The following CAMTA1 variants were observed in gnomAD, a reference collection of about 807,000 sequenced individuals.
The protein encoded by CAMTA1 is calmodulin binding transcription activator 1, also known as calmodulin-binding transcription activator 1.
A neutral mutation model predicts 170.9 loss-of-function variants in CAMTA1; 27 were observed. That is an observed-to-expected ratio of 0.16 (90% confidence interval 0.12 to 0.22). The LOEUF (loss-of-function observed/expected upper bound fraction) is 0.22. Among genes scored for constraint, CAMTA1 ranks in the 10% least tolerant of loss-of-function variants. The pLI, the probability that CAMTA1 is intolerant of heterozygous loss-of-function variation, is 1.00. For synonymous variants in CAMTA1, 833 were observed against 891.5 expected (o/e 0.93, Z 1.17); for missense variants, 1,619 against 2,217.2 (o/e 0.73, Z 5.42).
chr1:7,240,391 TTTTG>T (rs1262432612), intron 4 of CAMTA1, among the ~76,000 whole-genome samples: 3 of 152,128 alleles, frequency 2.0e-5, no homozygotes, highest in South Asian at 2.1e-4. Flanking sequence ...GCAATTAGTT[TTTTG>T]TTTGTTTGAG....
chr1:7,495,222 G>A (rs1031626484), intron 6 of CAMTA1, among the ~76,000 whole-genome samples: 19 of 152,160 alleles, frequency 1.2e-4, no homozygotes, highest in African/African-American at 4.3e-4. Context: ...CGGAAGATCT[G>A]GAGAGTTTCG....
At chr1:7,236,585 C>T (rs1339806820) in intron 4 of CAMTA1, among the ~76,000 whole-genome samples, 1 of 152,198 alleles carries the variant, frequency 6.6e-6, no homozygotes, top group Non-Finnish European at 1.5e-5. Flanking sequence ...AGTTACTTCA[C>T]TTCTCTGTGC....
intron 5 of CAMTA1, among the ~76,000 whole-genome samples, chr1:7,461,369 G>A (rs145524296): frequency 3.9e-5 from 6 of 152,224 alleles, no homozygotes; most frequent in Non-Finnish European, 7.3e-5. Flanking sequence ...ATGTTCTCTA[G>A]CGTGGGAGCA....
At chr1:7,740,039 G>T (rs576358113) in intron 16 of CAMTA1, among the ~76,000 whole-genome samples, 11 of 148,128 alleles carry the variant, frequency 7.4e-5, no homozygotes, top group Non-Finnish European at 1.5e-4. Context: ...ATCACCTACC[G>T]ACCACTGCAG....
chr1:7,323,002 C>T (rs923001786), intron 5 of CAMTA1, among the ~76,000 whole-genome samples: 5 of 139,152 alleles, frequency 3.6e-5, no homozygotes, highest in Non-Finnish European at 6.1e-5. Flanking sequence ...TTCCCTTCCC[C>T]TTCCCTTCCC....
At chr1:6,902,707 A>G (rs1004413661) in intron 3 of CAMTA1, among the ~76,000 whole-genome samples, 4 of 152,256 alleles carry the variant, frequency 2.6e-5, no homozygotes, top group Non-Finnish European at 5.9e-5. Flanking sequence ...CACATGGCCA[A>G]TAAGCATGTA....
At chr1:6,856,458 C>G (rs1432457342) in intron 3 of CAMTA1, among the ~76,000 whole-genome samples, 1 of 151,108 alleles carries the variant, frequency 6.6e-6, no homozygotes, top group Non-Finnish European at 1.5e-5. Flanking sequence ...CTTGTTTTTG[C>G]AGTTTATAGG....
intron 11 of CAMTA1, among the ~76,000 whole-genome samples, chr1:7,714,414 C>T (rs2096593936): frequency 2.0e-5 from 3 of 152,202 alleles, no homozygotes; most frequent in African/African-American, 4.8e-5. Flanking sequence ...TGCTGAATCG[C>T]TTCGATGAAA....
At chr1:7,208,400 ATTGAGTATTGGG>A (rs199748363) in intron 4 of CAMTA1, among the ~76,000 whole-genome samples, 2,671 of 152,248 alleles carry the variant, frequency 0.018, 35 homozygotes, top group Middle Eastern at 0.051. Context: ...CCTTTACCCT[ATTGAGTATTGGG>A]TACCTTATTG....
chr1:7,715,743 A>G (rs1446206077), intron 11 of CAMTA1, among the ~76,000 whole-genome samples: 1 of 152,230 alleles, frequency 6.6e-6, no homozygotes, highest in African/African-American at 2.4e-5. Flanking sequence ...ACTCTGGTCT[A>G]GGGGTAGGGT....
intron 4 of CAMTA1, among the ~76,000 whole-genome samples, chr1:7,247,022 C>T (rs1665925604): frequency 6.6e-6 from 1 of 152,190 alleles, no homozygotes. Flanking sequence ...CTTCTGCAGC[C>T]TGTCTTTCTC....
At chr1:7,583,954 C>T (rs377119880) in intron 6 of CAMTA1, among the ~76,000 whole-genome samples, 3 of 152,192 alleles carry the variant, frequency 2.0e-5, no homozygotes, top group African/African-American at 4.8e-5. Context: ...TGAGCTCTGA[C>T]GGGTGCTCTT....
At chr1:7,206,671 C>G (rs2149043613) in intron 4 of CAMTA1, among the ~76,000 whole-genome samples, 1 of 152,230 alleles carries the variant, frequency 6.6e-6, no homozygotes, top group Middle Eastern at 3.4e-3. Flanking sequence ...TAGATTGTTT[C>G]CCATTTGTTG....
intron 3 of CAMTA1, among the ~76,000 whole-genome samples, chr1:7,006,999 G>A (rs575324739): frequency 6.7e-6 from 1 of 150,008 alleles, no homozygotes; most frequent in Non-Finnish European, 1.5e-5. Context: ...AATGTCAGAT[G>A]GTAGTAAAAA....
At position 7,655,489 on chromosome 1, in the gene CAMTA1, C is replaced by T. The variant is rs572062263; in HGVS notation, c.665-6237C>T. 9.5e-5 allele frequency among the ~76,000 whole-genome samples: 14 copies of T among 147,198 alleles called. No individual in the cohort carries two copies. In the East Asian group the frequency reaches 1.2e-3, roughly 13 times the overall value. Reference sequence around the variant, plus strand: ...CACACCCACCTATACAAACACACACCTATACAACACACATACACACACCTA... The same window carrying T: ...CACACCCACCTATACAAACACACACTTATACAACACACATACACACACCTA... On this transcript the variant is annotated intron_variant, in intron 7 of 22. Transcript: ENST00000303635.
At chr1:7,582,379 A>C (rs1173575902) in intron 6 of CAMTA1, among the ~76,000 whole-genome samples, 2 of 152,044 alleles carry the variant, frequency 1.3e-5, no homozygotes, top group African/African-American at 4.8e-5. Context: ...CCTACCCTGC[A>C]TCCTTGGGTG....
intron 5 of CAMTA1, among the ~76,000 whole-genome samples, chr1:7,362,809 G>A (rs747720909): frequency 1.3e-5 from 2 of 151,854 alleles, no homozygotes; most frequent in African/African-American, 2.4e-5. Context: ...AGACTGAGTA[G>A]ACTTCTGTGG....
chr1:7,013,744 A>C (rs1470306522), intron 3 of CAMTA1, among the ~76,000 whole-genome samples: 2 of 151,934 alleles, frequency 1.3e-5, no homozygotes, highest in Non-Finnish European at 2.9e-5. Flanking sequence ...CTGGTTCTAC[A>C]TTGTGTTCTT....
chr1:7,398,779 C>T (rs1432509070), intron 5 of CAMTA1, among the ~76,000 whole-genome samples: 1 of 151,472 alleles, frequency 6.6e-6, no homozygotes, highest in African/African-American at 2.4e-5. Context: ...AGCTTTGATT[C>T]CTTTCTCTTT....
Sources: allele counts gnomAD v4.1 joint callset (sites outside exome capture counted in the v4.1 genomes callset), GRCh38; gene constraint gnomAD v4.1.1; transcripts MANE v1.5; gene names NCBI Gene and HGNC (gene_info 2026-07-23, HGNC 2026-07-21).